The following SCMH1 variants were observed in gnomAD, a reference collection of about 807,000 sequenced individuals.
SCMH1 encodes the protein Scm polycomb group protein homolog 1.
Under a neutral mutation model 70.8 loss-of-function variants are expected in SCMH1, and 37 were observed. The ratio of observed to expected loss-of-function variants is 0.52; its 90% CI spans 0.40 to 0.69. The LOEUF (loss-of-function observed/expected upper bound fraction) is 0.69, where lower values mean the gene tolerates loss of function less well. Among genes scored for constraint, SCMH1 ranks in the 30% least tolerant of loss-of-function variants. SCMH1 has a pLI of 0.00. For synonymous variants in SCMH1, 292 were observed against 307.4 expected (o/e 0.95, Z 0.52); for missense variants, 607 against 827.3 (o/e 0.73, Z 3.27).
At chr1:41,136,301 T>C (rs986131499) in intron 6 of SCMH1, among the ~76,000 whole-genome samples, 28 of 152,122 alleles carry the variant, frequency 1.8e-4, no homozygotes, top group African/African-American at 5.1e-4. Context: ...TTTTGACAAA[T>C]AGTATTTCCT....
intron 1 of SCMH1, among the ~76,000 whole-genome samples, chr1:41,214,957 T>C (rs968631356): frequency 6.6e-6 from 1 of 152,210 alleles, no homozygotes; most frequent in Admixed American, 6.5e-5. Context: ...CGTAGTTATG[T>C]TACCTAAAAC....
intron 12 of SCMH1, among the ~76,000 whole-genome samples, chr1:41,045,416 G>A (rs1646776090): frequency 6.6e-6 from 1 of 152,168 alleles, no homozygotes; most frequent in Non-Finnish European, 1.5e-5. Context: ...ATCTATGAGG[G>A]AAAGGGGGAA....
intron 10 of SCMH1, among the ~76,000 whole-genome samples, chr1:41,052,296 C>T (rs987726295): frequency 1.3e-5 from 2 of 152,212 alleles, no homozygotes; most frequent in African/African-American, 4.8e-5. Context: ...ACTTGAGCTC[C>T]GCCTCCTGTC....
At chr1:41,130,055 T>C (rs1378872103) in intron 6 of SCMH1, among the ~76,000 whole-genome samples, 1 of 152,152 alleles carries the variant, frequency 6.6e-6, no homozygotes, top group Non-Finnish European at 1.5e-5. Context: ...TCAATGCAGT[T>C]TTAATTTGTA....
intron 8 of SCMH1, among the ~76,000 whole-genome samples, chr1:41,087,937 GGTGTGTGTGTGTGT>G (rs55721560): frequency 1.4e-5 from 2 of 139,844 alleles, no homozygotes; most frequent in Non-Finnish European, 3.0e-5. Context: ...TATAGTTTCT[GGTGTGTGTGTGTGT>G]GTGTGTGTGT....
At chr1:41,206,529 A>G (rs914582336) in intron 1 of SCMH1, among the ~76,000 whole-genome samples, 2 of 152,238 alleles carry the variant, frequency 1.3e-5, no homozygotes, top group Non-Finnish European at 2.9e-5. Context: ...AAAACCTCCA[A>G]TAAATATGGG....
chr1:41,164,442 A>G (rs879473014), intron 2 of SCMH1, among the ~76,000 whole-genome samples: 1 of 41,428 alleles, frequency 2.4e-5, no homozygotes, highest in Non-Finnish European at 3.8e-5. Context: ...TTAGGGGATG[A>G]CTTTAATTCA....
chr1:41,157,846 A>G (rs1208122866), intron 4 of SCMH1, among the ~76,000 whole-genome samples: 2 of 152,196 alleles, frequency 1.3e-5, no homozygotes, highest in African/African-American at 4.8e-5. Context: ...TGTTCACATC[A>G]TATCACCATA....
At chr1:41,038,116 G>T (rs1168061690) in intron 12 of SCMH1, 1 of 152,460 alleles carries the variant, frequency 6.6e-6, no homozygotes, top group African/African-American at 2.4e-5. Flanking sequence ...GGTATAATCT[G>T]GCTCTGCCAC....
At chr1:41,056,811 T>C (rs1250183309) in intron 10 of SCMH1, among the ~76,000 whole-genome samples, 2 of 152,178 alleles carry the variant, frequency 1.3e-5, no homozygotes, top group African/African-American at 4.8e-5. Flanking sequence ...GGGGAAACTT[T>C]TGTGAGTTTT....
chr1:41,195,834 A>T lies in SCMH1; in HGVS notation c.-117-9584T>A, dbSNP rs186131395. On this transcript the variant is annotated intron_variant, in intron 1 of 14. Coordinates refer to ENST00000337495, the Ensembl canonical transcript of SCMH1. ...GGAAATTCTACAGATCCCACAAAAA[A>T]GCTATTAGAGCTAATAAATGAATTC... Among the ~76,000 whole-genome samples the T allele has an allele frequency of 1.3e-4, 20 of 152,332 alleles. No homozygotes were observed. In the East Asian group the frequency reaches 3.1e-3, roughly 23 times the overall value.
intron 2 of SCMH1, 93 bp downstream of exon 2, chr1:41,186,028 T>C: frequency 2.2e-6 from 3 of 1,370,918 alleles, no homozygotes; most frequent in South Asian, 1.3e-5. Flanking sequence ...GGATAACGAG[T>C]AGTCTAATTA....
intron 10 of SCMH1, among the ~76,000 whole-genome samples, chr1:41,053,064 C>T (rs951674989): frequency 6.8e-5 from 6 of 87,938 alleles, no homozygotes; most frequent in Admixed American, 1.2e-4. Flanking sequence ...ATTACAGGCA[C>T]GTGCCATCAC....
At chr1:41,077,848 C>T (rs576515696) in intron 8 of SCMH1, among the ~76,000 whole-genome samples, 2 of 152,100 alleles carry the variant, frequency 1.3e-5, no homozygotes, top group South Asian at 2.1e-4. Flanking sequence ...TAATATAAAA[C>T]GTTTGGCATA....
At chr1:41,042,351 C>T (rs1298487488) in intron 12 of SCMH1, among the ~76,000 whole-genome samples, 2 of 151,862 alleles carry the variant, frequency 1.3e-5, no homozygotes, top group Non-Finnish European at 2.9e-5. Flanking sequence ...CAGGTTCAAG[C>T]GATTCTCCTG....
At chr1:41,094,299 T>C (rs1664481783) in intron 8 of SCMH1, among the ~76,000 whole-genome samples, 1 of 152,192 alleles carries the variant, frequency 6.6e-6, no homozygotes, top group Non-Finnish European at 1.5e-5. Context: ...ACTATTACTA[T>C]AGTTGGTGCC....
chr1:41,157,045 C>G (rs1267032775), intron 4 of SCMH1, among the ~76,000 whole-genome samples: 3 of 148,756 alleles, frequency 2.0e-5, no homozygotes, highest in Non-Finnish European at 3.0e-5. Flanking sequence ...TAACCCCGAT[C>G]TGGACTCAAG....
chr1:41,221,897 A>G (rs1436202758), intron 1 of SCMH1, among the ~76,000 whole-genome samples: 1 of 142,764 alleles, frequency 7.0e-6, no homozygotes, highest in Admixed American at 7.0e-5. Context: ...CCGTCTCAAA[A>G]AAAAAAAAAA....
chr1:41,117,450 G>T lies in SCMH1; in HGVS notation c.413-440C>A, dbSNP rs972314267. ...AAGCGGACCGTGGTCTAGTGGTAGCGTCAGTGTCAAGGAAAAACACCCATT... is the reference window on the plus strand; with the variant it reads ...AAGCGGACCGTGGTCTAGTGGTAGCTTCAGTGTCAAGGAAAAACACCCATT... On this transcript the variant is annotated intron_variant, in intron 6 of 14. Transcript: ENST00000337495. 2.6e-5 allele frequency among the ~76,000 whole-genome samples: 4 copies of T among 150,954 alleles called. No individual in the cohort carries two copies. In the South Asian group the frequency reaches 6.2e-4, roughly 23 times the overall value.
Sources: gnomAD v4.1 joint callset for allele counts (sites outside exome capture counted in the v4.1 genomes callset) on GRCh38, gnomAD v4.1.1 for gene constraint, MANE v1.5 for transcripts, NCBI Gene and HGNC (gene_info 2026-07-23, HGNC 2026-07-21) for gene names.